Variants in DUOX1 observed in about 807,000 individuals in gnomAD.
DUOX1 encodes NADPH thyroid oxidase 1.
In DUOX1, 134 loss-of-function variants were observed where a neutral mutation model predicts 181.8. The ratio of observed to expected loss-of-function variants is 0.74; its 90% CI spans 0.64 to 0.85. The LOEUF is 0.85. DUOX1 is among the 40% of genes least tolerant of loss of function. The pLI is 0.00. For missense variants in DUOX1, 1,814 were observed against 2,064.4 expected (o/e 0.88, Z 2.35); for synonymous variants, 798 against 832.5 (o/e 0.96, Z 0.71).
Position 45,135,591 on chromosome 15 carries a change from T to A in DUOX1, c.613T>A (p.Phe205Ile). Residue 205 changes from phenylalanine (F) to isoleucine (I), a missense_variant, in exon 6 of 34, where the codon TTT becomes ATT. Phe to Ile is a conservative substitution (Grantham distance 21, BLOSUM62 0). Transcript: ENST00000389037. ...GQLASGPDPA[F>I]PRDSQNPLLM... ...GCTGGCGTCGGGGCCCGACCCCGCT[T>A]TTCCCCGAGACTCGCAGAACCCCCT... 6.4e-7 allele frequency: 1 copy of A among 1,565,112 alleles called. No homozygotes were observed. Among genetic ancestry groups the A allele is most frequent in the Non-Finnish European group, 8.7e-7 (1 of 1,156,040 alleles).
chr15:45,132,532 G>C (rs1181234708), intron 2 of DUOX1, among the ~76,000 whole-genome samples: 1 of 152,224 alleles, frequency 6.6e-6, no homozygotes, highest in East Asian at 1.9e-4. Context: ...GCTGCTCTCT[G>C]CAGTCCGGAT....
At chr15:45,151,276 G>A in intron 23 of DUOX1, 28 bp downstream of exon 23, 1 of 1,607,820 alleles carries the variant, frequency 6.2e-7, no homozygotes. Flanking sequence ...CTTAAGCCCA[G>A]GCAGTTCATC....
chr15:45,152,505 T>C lies in DUOX1; in HGVS notation c.3413T>C (p.Ile1138Thr). The change falls in exon 25 of 34, where the codon ATC becomes ACC. Residue 1138 changes from isoleucine to threonine, a missense_variant. Around this residue, in one of 5 missense-constraint regions of DUOX1, gnomAD observed 1,064 missense variants for 1,152.9 expected, o/e 0.92. Coordinates refer to ENST00000389037, the MANE Select transcript of DUOX1 (RefSeq NM_175940.3). ...CATCGCCTCATTGCCTCCACCGCCA[T>C]CGTCCTCACAGGCAGGGCCTGGGTG... ...DFHRLIASTA[I>T]VLTVLHSVGH... 2 of 1,614,050 alleles carry C rather than the reference T, an allele frequency of 1.2e-6. No individual in the cohort carries two copies. The highest frequency in any genetic ancestry group is 1.7e-6 in the Non-Finnish European group (2 of 1,180,006).
chr15:45,142,789 G>GGAAGGAAGGA (rs1480496555), intron 15 of DUOX1, among the ~76,000 whole-genome samples: 20,606 of 139,668 alleles, frequency 0.15, 2,474 homozygotes, highest in Middle Eastern at 0.28. Flanking sequence ...GGAAGGAAGG[G>GGAAGGAAGGA]AGGGAGGAAG....
chr15:45,158,124 A>T (rs2141301034), intron 28 of DUOX1, among the ~76,000 whole-genome samples: 1 of 152,312 alleles, frequency 6.6e-6, no homozygotes, highest in Admixed American at 6.5e-5. Flanking sequence ...CCAGCCAACA[A>T]GGAATCTGCA....
At chr15:45,143,915 C>T (rs540223109) in intron 16 of DUOX1, 121 bp from the exon 17 acceptor site, 2 of 927,394 alleles carry the variant, frequency 2.2e-6, no homozygotes, top group East Asian at 2.6e-5. Context: ...CTCTCAGTAC[C>T]CCAGAAGGGG....
chr15:45,139,252 G>A (rs1650517457), intron 11 of DUOX1, 84 bp downstream of exon 11: 2 of 1,607,660 alleles, frequency 1.2e-6, no homozygotes, highest in Non-Finnish European at 1.7e-6. Context: ...CAGGTATGAG[G>A]GGGTGCCTGG....
At chr15:45,139,016 T>G in intron 10 of DUOX1, 50 bp from the exon 11 acceptor site, 1 of 1,547,190 alleles carries the variant, frequency 6.5e-7, no homozygotes, top group Non-Finnish European at 8.8e-7. Context: ...CTGTCTAACC[T>G]CTGACCCCAT....
chr15:45,151,308 T>A (rs1262692840), intron 23 of DUOX1, 60 bp downstream of exon 23: 2 of 1,585,022 alleles, frequency 1.3e-6, no homozygotes, highest in African/African-American at 2.7e-5. Flanking sequence ...CTTATAAACA[T>A]CTTTTCCTTG....
intron 26 of DUOX1, 193 bp from the exon 27 acceptor site, chr15:45,153,758 G>C (rs551438647): frequency 1.6e-6 from 1 of 636,666 alleles, no homozygotes; most frequent in African/African-American, 1.8e-5. Context: ...ATGGTGGTGC[G>C]TGCCTGTAAT....
At position 45,162,292 on chromosome 15, in the gene DUOX1, G is replaced by A; in HGVS notation, c.4163G>A (p.Gly1388Glu). The A allele has an allele frequency of 6.2e-7, 1 of 1,613,810 alleles. No homozygotes were observed. The highest frequency in any genetic ancestry group is 8.5e-7 in the Non-Finnish European group (1 of 1,179,894). ...HKFEVSVLVG[G>E]GIGVTPFASI... ...TTTGAGGTGTCAGTGTTAGTGGGAG[G>A]GGGCATTGGGGTCACCCCTTTTGCC... is the stretch of plus-strand genomic sequence containing the variant. The change falls in exon 31 of 34, where the codon GGG becomes GAG. Residue 1388 changes from glycine to glutamate, a missense_variant. By Grantham distance (98) the Gly-to-Glu change is moderately conservative. Around this residue, in one of 5 missense-constraint regions of DUOX1, gnomAD observed 279 missense variants for 381.9 expected, o/e 0.73. Coordinates refer to ENST00000389037, the MANE Select transcript of DUOX1 (RefSeq NM_175940.3).
At position 45,139,056 on chromosome 15, in the gene DUOX1, A is replaced by G; in HGVS notation, c.1114-10A>G. ...CACACCCCTTTCCTCCCCACCCCCA[A>G]CCTATAAAGCACCCAAGCCTACAAA... On this transcript the variant is annotated splice_polypyrimidine_tract_variant and intron_variant, in intron 10 of 33. Coordinates refer to ENST00000389037, the MANE Select transcript of DUOX1 (RefSeq NM_175940.3). 1.2e-6 allele frequency: 2 copies of G among 1,612,302 alleles called. No homozygotes were observed. Among genetic ancestry groups the G allele is most frequent in the African/African-American group, 1.3e-5 (1 of 75,018 alleles).
At chr15:45,144,857 T>G (rs751927040) in intron 17 of DUOX1, 38 bp from the exon 18 acceptor site, 2 of 1,568,780 alleles carry the variant, frequency 1.3e-6, no homozygotes, top group Admixed American at 3.8e-5. Flanking sequence ...TCAAGAGGCC[T>G]TGGCAAATGG....
chr15:45,143,266 G>C lies in DUOX1; in HGVS notation c.1899G>C (p.Gln633His). The change falls in exon 16 of 34, where the codon CAG becomes CAC. Residue 633 changes from glutamine (Q) to histidine (H), a missense_variant. Physicochemically the swap from Gln to His is conservative, Grantham distance 24. Coordinates refer to ENST00000389037, the MANE Select transcript of DUOX1 (RefSeq NM_175940.3). ...NFKRLQGQDR[Q>H]SIVSEKLVGG... ...AGAGGCTCCAGGGCCAGGACCGCCA[G>C]AGCATCGTGTCTGAGAAGCTCGTGG... is the stretch of plus-strand genomic sequence containing the variant. The C allele has an allele frequency of 6.2e-7, 1 of 1,614,144 alleles. No individual in the cohort carries two copies. The highest frequency in any genetic ancestry group is 8.5e-7 in the Non-Finnish European group (1 of 1,180,020).
intron 5 of DUOX1, 36 bp from the exon 6 acceptor site, chr15:45,135,438 C>T: frequency 1.3e-6 from 2 of 1,537,580 alleles, no homozygotes; most frequent in South Asian, 1.2e-5. Flanking sequence ...TCGCCGCCGC[C>T]CATCGACCCG....
At position 45,139,437 on chromosome 15, in the gene DUOX1, T is replaced by C. The variant is rs1335058526; in HGVS notation, c.1227T>C (p.Pro409=). 1 of 1,612,750 alleles carries C rather than the reference T, an allele frequency of 6.2e-7. No individual in the cohort carries two copies. Among genetic ancestry groups the C allele is most frequent in the South Asian group, 1.1e-5 (1 of 90,824 alleles). ...VLVEDVRDFW[P]GPLKFSRTDH... is the part of the protein sequence containing the mutation. ...GTATCTTGTCTCCAGATTTCTGGCC[T>C]GGGCCACTGAAGTTTTCCCGCACAG... The change falls in exon 12 of 34, where the codon CCT becomes CCC. Residue 409 remains proline, a synonymous_variant. Coordinates refer to ENST00000389037, the MANE Select transcript of DUOX1 (RefSeq NM_175940.3).
Position 45,152,386 on chromosome 15 carries a change from C to G in DUOX1, c.3294C>G (p.Ser1098=). The G allele has an allele frequency of 6.2e-7, 1 of 1,614,218 alleles. No individual in the cohort carries two copies. The highest frequency in any genetic ancestry group is 8.5e-7 in the Non-Finnish European group (1 of 1,180,028). The change falls in exon 25 of 34, where the codon TCC becomes TCG. Residue 1098 remains serine, a synonymous_variant. Transcript: ENST00000389037. The stretch of plus-strand genomic sequence containing the variant: ...CAGCCAGCATCTCTTTCATGTTCTC[C>G]TACATCTTGCTCACCATGTGCCGCA... ...GTAASISFMF[S]YILLTMCRNL... is the part of the protein sequence containing the mutation.
In DUOX1 at chr15:45,161,896, G is replaced by A. The variant is rs1318230885; in HGVS notation, c.4015G>A (p.Ala1339Thr). ...EDTLSLHIRA[A>T]GPWTTRLREI... ...CACGCTTAGCCTGCACATCCGGGCA[G>A]CAGGGCCCTGGACCACTCGCCTCAG... Residue 1339 changes from alanine (A) to threonine (T), a missense_variant, in exon 30 of 34, where the codon GCA (alanine) becomes ACA (threonine). This residue lies in a region of DUOX1 where 279 missense variants were observed against 381.9 expected (regional missense o/e 0.73). Coordinates refer to ENST00000389037, the MANE Select transcript of DUOX1 (RefSeq NM_175940.3). 2 of 1,613,778 alleles carry A rather than the reference G, an allele frequency of 1.2e-6. No individual in the cohort carries two copies. The highest frequency in any genetic ancestry group is 1.7e-5 in the Admixed American group (1 of 59,970).
At position 45,151,142 on chromosome 15, in the gene DUOX1, G is replaced by GCCCGCTGTT. The variant is rs1446221415; in HGVS notation, c.2914_2922dup (p.Cys972_Arg974dup). ...TCTTAGTCCCTCTCCCAGAGTGAGT[G>GCCCGCTGTT]CCCGCTGTTCCCGCAGCGACATTGA... On this transcript the variant is annotated inframe_insertion, in exon 23 of 34. Transcript: ENST00000389037. 6 of 1,614,020 alleles carry GCCCGCTGTT rather than the reference G, an allele frequency of 3.7e-6. No homozygotes were observed. The highest frequency in any genetic ancestry group is 2.7e-5 in the African/African-American group (2 of 74,908).
Sources: gnomAD v4.1 joint callset for allele counts (sites outside exome capture counted in the v4.1 genomes callset) on GRCh38, gnomAD v4.1.1 for gene constraint, gnomAD v4.1.1 regional missense constraint, MANE v1.5 for transcripts, NCBI Gene and HGNC (gene_info 2026-07-23, HGNC 2026-07-21) for gene names.